SIK3: variants seen among roughly 807,000 people sequenced by gnomAD.
SIK3 encodes the protein serine/threonine-protein kinase SIK3.
Under a neutral mutation model 144.2 loss-of-function variants are expected in SIK3, and 28 were observed. The observed-to-expected ratio is 0.19, with a 90% confidence interval of 0.14 to 0.27. SIK3 has a LOEUF of 0.27. SIK3 is among the 10% of genes least tolerant of loss of function. SIK3 has a pLI of 1.00. For missense variants in SIK3, 1,319 were observed against 1,776.0 expected, an observed-to-expected ratio of 0.74 and a Z score of 4.62; for synonymous variants, 686 against 676.3, an observed-to-expected ratio of 1.01 and a Z score of -0.22.
intron 13 of SIK3, among the ~76,000 whole-genome samples, chr11:116,872,352 C>T (rs1485882553): frequency 1.3e-5 from 2 of 152,344 alleles, no homozygotes; most frequent in East Asian, 3.9e-4. Context: ...TCCTTCCAAA[C>T]CTGTCTTGCC....
At chr11:116,936,061 G>A (rs1052011296) in intron 3 of SIK3, among the ~76,000 whole-genome samples, 3 of 152,188 alleles carry the variant, frequency 2.0e-5, no homozygotes, top group African/African-American at 7.2e-5. Context: ...GATCACTTGA[G>A]TCCAGGAGTT....
At chr11:117,061,076 C>T (rs1953769980) in intron 1 of SIK3, among the ~76,000 whole-genome samples, 1 of 151,840 alleles carries the variant, frequency 6.6e-6, no homozygotes, top group Admixed American at 6.6e-5. Flanking sequence ...AGTAAGACCT[C>T]GTCTCTATCA....
At chr11:117,095,922 G>A (rs1270586375) in intron 1 of SIK3, among the ~76,000 whole-genome samples, 1 of 152,088 alleles carries the variant, frequency 6.6e-6, no homozygotes, top group Admixed American at 6.6e-5. Context: ...CCATACATAG[G>A]AATTGCACAA....
At chr11:116,915,585 G>A (rs976031267) in intron 4 of SIK3, among the ~76,000 whole-genome samples, 5 of 151,576 alleles carry the variant, frequency 3.3e-5, no homozygotes, top group Non-Finnish European at 7.4e-5. Flanking sequence ...ATATAGATAC[G>A]GATATGTGTG....
At chr11:116,904,830 G>T in intron 4 of SIK3, 1 of 160,440 alleles carries the variant, frequency 6.2e-6, no homozygotes, top group South Asian at 2.1e-4. Flanking sequence ...CTCCCACCTC[G>T]GCCTTCCGAA....
At chr11:116,894,847 T>C (rs772129358) in intron 6 of SIK3, among the ~76,000 whole-genome samples, 105 of 152,214 alleles carry the variant, frequency 6.9e-4, no homozygotes, top group African/African-American at 1.6e-3. Flanking sequence ...ACATCTCTTA[T>C]CTGGACTATT....
At chr11:117,043,212 A>G (rs578232824) in intron 1 of SIK3, among the ~76,000 whole-genome samples, 1 of 152,304 alleles carries the variant, frequency 6.6e-6, no homozygotes, top group African/African-American at 2.4e-5. Flanking sequence ...AAACAACTCA[A>G]TAGACTAAAG....
At position 117,058,665 on chromosome 11, in the gene SIK3, C is replaced by G. The variant is rs543661536; in HGVS notation, c.273+39478G>C. On this transcript the variant is annotated intron_variant, in intron 1 of 24. Coordinates refer to ENST00000445177, the MANE Select transcript of SIK3 (RefSeq NM_001366686.3). ...TGCAATGGAGGAAGGTGACACGAAC[C>G]AAAGGAAAATGTGGAAAGATTTAGA... is the stretch of plus-strand genomic sequence containing the variant. 1.1e-4 allele frequency among the ~76,000 whole-genome samples: 17 copies of G among 152,106 alleles called. No homozygotes were observed. The South Asian group carries it at 3.3e-3, about 30-fold the overall frequency.
intron 1 of SIK3, among the ~76,000 whole-genome samples, chr11:116,996,590 C>T (rs7121271): frequency 0.015 from 2,212 of 151,914 alleles, 62 homozygotes; most frequent in African/African-American, 0.049. Context: ...GAGCCCAAGG[C>T]GGGTGGATCA....
At chr11:117,036,269 G>A (rs746766064) in intron 1 of SIK3, among the ~76,000 whole-genome samples, 3 of 152,128 alleles carry the variant, frequency 2.0e-5, no homozygotes, top group Middle Eastern at 6.8e-3. Flanking sequence ...TCATAGTAAC[G>A]TAAAGAATAT....
chr11:117,048,651 C>T (rs1034648805), intron 1 of SIK3, among the ~76,000 whole-genome samples: 26 of 151,440 alleles, frequency 1.7e-4, no homozygotes, highest in Non-Finnish European at 5.9e-5. Flanking sequence ...AGCGAAACTC[C>T]GTCTCAAAAA....
intron 1 of SIK3, among the ~76,000 whole-genome samples, chr11:117,018,868 T>C (rs1411232417): frequency 6.7e-6 from 1 of 150,138 alleles, no homozygotes; most frequent in Non-Finnish European, 1.5e-5. Context: ...CCTGCCACCA[T>C]GCCCGGCTAA....
intron 1 of SIK3, among the ~76,000 whole-genome samples, chr11:117,052,137 G>GA (rs144109493): frequency 1.3e-4 from 19 of 149,922 alleles, no homozygotes; most frequent in South Asian, 6.4e-4. Context: ...GAAACCCTGG[G>GA]AAAAAAAAAG....
At chr11:117,017,128 G>A (rs989085605) in intron 1 of SIK3, among the ~76,000 whole-genome samples, 1 of 152,156 alleles carries the variant, frequency 6.6e-6, no homozygotes, top group Non-Finnish European at 1.5e-5. Context: ...GCAATGGCAC[G>A]TGCCTATAGT....
chr11:116,955,365 T>C (rs1381234047), intron 2 of SIK3, among the ~76,000 whole-genome samples: 1 of 152,116 alleles, frequency 6.6e-6, no homozygotes, highest in Non-Finnish European at 1.5e-5. Flanking sequence ...GCCACTGCAC[T>C]CCAGCCCGGG....
intron 1 of SIK3, among the ~76,000 whole-genome samples, chr11:117,005,353 A>AG (rs1951007693): frequency 6.6e-6 from 1 of 151,324 alleles, no homozygotes; most frequent in African/African-American, 2.4e-5. Context: ...AAAAAAAAAA[A>AG]AAAAAAAAGA....
chr11:117,012,249 T>G (rs568025629), intron 1 of SIK3, among the ~76,000 whole-genome samples: 1 of 152,170 alleles, frequency 6.6e-6, no homozygotes, highest in African/African-American at 2.4e-5. Flanking sequence ...GTTGGGATTA[T>G]AGGCATGAGC....
chr11:116,950,044 G>A (rs1384787652), intron 3 of SIK3: 5 of 461,940 alleles, frequency 1.1e-5, no homozygotes. Flanking sequence ...GGTCCTCTCA[G>A]CTTGCCTCTC....
At chr11:117,054,900 G>A (rs974498509) in intron 1 of SIK3, among the ~76,000 whole-genome samples, 1 of 151,966 alleles carries the variant, frequency 6.6e-6, no homozygotes, top group African/African-American at 2.4e-5. Context: ...TCTTTTTCTG[G>A]GCAGAACAGG....
Sources: gnomAD v4.1 joint callset for allele counts (sites outside exome capture counted in the v4.1 genomes callset) on GRCh38, gnomAD v4.1.1 for gene constraint, MANE v1.5 for transcripts, NCBI Gene and HGNC (gene_info 2026-07-23, HGNC 2026-07-21) for gene names.